Variants in NEDD4 observed in about 807,000 individuals in gnomAD.
The protein encoded by NEDD4 is NEDD4 E3 ubiquitin protein ligase.
In NEDD4, 99 loss-of-function variants were observed where a neutral mutation model predicts 144.9. The ratio of observed to expected loss-of-function variants is 0.68; its 90% CI spans 0.58 to 0.81. The LOEUF (loss-of-function observed/expected upper bound fraction) is 0.81. Ranked by LOEUF, NEDD4 falls within the 30% of genes least tolerant of loss-of-function variation. NEDD4 has a pLI of 0.00. For synonymous variants in NEDD4, 318 were observed against 350.6 expected (o/e 0.91, Z 1.04); for missense variants, 985 against 1,065.9 (o/e 0.92, Z 1.06).
At chr15:55,939,875 A>G (rs1333884158) in intron 4 of NEDD4, among the ~76,000 whole-genome samples, 1 of 152,254 alleles carries the variant, frequency 6.6e-6, no homozygotes, top group Non-Finnish European at 1.5e-5. Context: ...GTATGCAGCC[A>G]GAGGAAATAA....
intron 1 of NEDD4, among the ~76,000 whole-genome samples, chr15:55,989,606 C>T (rs1027302868): frequency 2.6e-5 from 4 of 152,210 alleles, no homozygotes; most frequent in African/African-American, 4.8e-5. Flanking sequence ...TCTGTATGTG[C>T]AAACTGCACT....
intron 5 of NEDD4, among the ~76,000 whole-genome samples, chr15:55,888,168 C>A (rs1349636259): frequency 6.6e-6 from 1 of 151,970 alleles, no homozygotes; most frequent in Non-Finnish European, 1.5e-5. Context: ...TAAGGGGCAT[C>A]CAAATTGGAA....
intron 5 of NEDD4, among the ~76,000 whole-genome samples, chr15:55,880,284 C>G (rs1445704299): frequency 7.3e-5 from 11 of 151,188 alleles, no homozygotes; most frequent in African/African-American, 2.5e-4. Flanking sequence ...GGAGTGAGAC[C>G]CCGTCTCCAA....
At chr15:55,993,373 C>G in intron 1 of NEDD4, 138 bp downstream of exon 1, 2 of 1,067,808 alleles carry the variant, frequency 1.9e-6, no homozygotes, top group Non-Finnish European at 2.6e-6. Context: ...CGGCGCCTCG[C>G]GCGCTCCCCA....
Position 55,966,466 on chromosome 15 carries a change from T to C in NEDD4, c.119+7A>G. On this transcript the variant is annotated splice_region_variant and intron_variant, in intron 2 of 28. Coordinates refer to ENST00000435532, the MANE Select transcript of NEDD4 (RefSeq NM_006154.4). The stretch of plus-strand genomic sequence containing the variant: ...TTTAAAATTATAATCCAAATAGATA[T>C]ACTTACCTAGCTCCCAATATATCCT... 6 of 1,490,966 alleles carry C rather than the reference T, an allele frequency of 4.0e-6. No homozygotes were observed. The highest frequency in any genetic ancestry group is 5.4e-6 in the Non-Finnish European group (6 of 1,107,332). The allele number at this position is 1,490,966 out of a possible 1,614,324, so 92.4% of individuals were successfully genotyped here.
chr15:55,896,124 T>G (rs2035731310), intron 5 of NEDD4, among the ~76,000 whole-genome samples: 1 of 152,202 alleles, frequency 6.6e-6, no homozygotes, highest in Non-Finnish European at 1.5e-5. Flanking sequence ...GCAATGATCC[T>G]ATATTTTGCC....
chr15:55,920,263 C>T (rs1175700976), intron 5 of NEDD4, among the ~76,000 whole-genome samples: 1 of 151,504 alleles, frequency 6.6e-6, no homozygotes, highest in African/African-American at 2.4e-5. Flanking sequence ...AAAATATATA[C>T]ACAATCTATT....
chr15:55,945,861 T>C (rs1036138943), intron 4 of NEDD4, among the ~76,000 whole-genome samples: 13 of 152,126 alleles, frequency 8.5e-5, no homozygotes, highest in African/African-American at 2.2e-4. Flanking sequence ...ATATTCAACA[T>C]TCTTAAAGAA....
intron 8 of NEDD4, among the ~76,000 whole-genome samples, chr15:55,867,428 T>C (rs1234761500): frequency 6.6e-6 from 1 of 152,200 alleles, no homozygotes; most frequent in African/African-American, 2.4e-5. Flanking sequence ...AACTCAACTG[T>C]GAATAGGGTC....
At position 55,873,947 on chromosome 15, in the gene NEDD4, C is replaced by A; in HGVS notation, c.342+11G>T. Reference sequence around the variant, plus strand: ...AAGCCCAAAAGGAAAATCATGGACACCTATACCAACCGGTAATGGATAAAG... The same window carrying A: ...AAGCCCAAAAGGAAAATCATGGACAACTATACCAACCGGTAATGGATAAAG... On this transcript the variant is annotated intron_variant, in intron 6 of 28. Transcript: ENST00000435532. 1 of 1,517,982 alleles carries A rather than the reference C, an allele frequency of 6.6e-7. No individual in the cohort carries two copies. Among genetic ancestry groups the A allele is most frequent in the Non-Finnish European group, 8.9e-7 (1 of 1,120,732 alleles). 94.0% of individuals were successfully genotyped at this position (1,517,982 alleles called of 1,614,324 possible).
chr15:55,859,108 T>G (rs12900655), intron 11 of NEDD4, among the ~76,000 whole-genome samples: 2 of 152,274 alleles, frequency 1.3e-5, no homozygotes, highest in South Asian at 2.1e-4. Context: ...TCAGCTCTCA[T>G]TAAATATTTA....
At chr15:55,898,731 C>G (rs1407164929) in intron 5 of NEDD4, among the ~76,000 whole-genome samples, 11 of 148,996 alleles carry the variant, frequency 7.4e-5, no homozygotes, top group African/African-American at 2.5e-4. Context: ...GACTCCTGGG[C>G]TCAAGTGATT....
chr15:55,839,995 AAAAAATATATATATATATATATATATAT>A (rs1220540688), intron 21 of NEDD4, among the ~76,000 whole-genome samples: 499 of 30,026 alleles, frequency 0.017, 24 homozygotes, highest in East Asian at 0.034. Flanking sequence ...AAAAAAAAAA[AAAAAATATATATATATATATATATATAT>A]ATATATATAT....
chr15:55,916,304 T>G (rs2036441221), intron 5 of NEDD4: 1 of 1,613,940 alleles, frequency 6.2e-7, no homozygotes, highest in Admixed American at 1.7e-5. Context: ...AACCTCCACT[T>G]GTGATACTTG....
At chr15:55,836,381 A>G (rs2033198050) in intron 24 of NEDD4, among the ~76,000 whole-genome samples, 1 of 151,216 alleles carries the variant, frequency 6.6e-6, no homozygotes, top group African/African-American at 2.4e-5. Context: ...CACTTTAGAG[A>G]CAAAGTTTCA....
At chr15:55,869,087 T>C (rs1007015053) in intron 8 of NEDD4, among the ~76,000 whole-genome samples, 3 of 152,206 alleles carry the variant, frequency 2.0e-5, no homozygotes, top group African/African-American at 7.2e-5. Context: ...CTGTCATCCA[T>C]GAAAATTGTT....
chr15:55,841,910 G>A (rs374826704), intron 19 of NEDD4, 24 bp downstream of exon 19: 37 of 1,571,742 alleles, frequency 2.4e-5, no homozygotes, highest in African/African-American at 1.2e-4. Flanking sequence ...TTTTTCTGCC[G>A]ATAATCATTG....
chr15:55,957,358 C>A (rs922545571), intron 2 of NEDD4, among the ~76,000 whole-genome samples: 7 of 152,090 alleles, frequency 4.6e-5, no homozygotes, highest in Non-Finnish European at 8.8e-5. Flanking sequence ...GACAACTTTG[C>A]CTTATTCCTG....
chr15:55,929,458 G>A (rs754424940), intron 4 of NEDD4, among the ~76,000 whole-genome samples: 4 of 151,790 alleles, frequency 2.6e-5, no homozygotes, highest in Non-Finnish European at 4.4e-5. Flanking sequence ...GTACCCAACA[G>A]GCAGCTTTTC....
Sources: gnomAD v4.1 joint callset for allele counts (sites outside exome capture counted in the v4.1 genomes callset) on GRCh38, gnomAD v4.1.1 for gene constraint, MANE v1.5 for transcripts, NCBI Gene and HGNC (gene_info 2026-07-23, HGNC 2026-07-21) for gene names.